Variants in CISD3 observed in about 807,000 individuals in gnomAD.
The protein encoded by CISD3 is CDGSH iron sulfur domain 3, also known as CDGSH iron-sulfur domain-containing protein 3, mitochondrial.
In CISD3, 11 loss-of-function variants were observed where a neutral mutation model predicts 14.1. The observed-to-expected ratio is 0.78, with a 90% CI of 0.49 to 1.29. CISD3 has a LOEUF of 1.29. Ranked by LOEUF, CISD3 falls within the 50% of genes most tolerant of loss-of-function variation. The pLI is 0.00. For missense variants in CISD3, 156 were observed against 171.6 expected, an observed-to-expected ratio of 0.91 and a Z score of 0.51; for synonymous variants, 53 against 69.2, an observed-to-expected ratio of 0.77 and a Z score of 1.16.
In CISD3 at chr17:38,730,815, C is replaced by A; in HGVS notation, c.84+20C>A. 1.3e-6 allele frequency: 2 copies of A among 1,550,776 alleles called. No individual in the cohort carries two copies. Among genetic ancestry groups the A allele is most frequent in the Non-Finnish European group, 1.7e-6 (2 of 1,146,102 alleles). On this transcript the variant is annotated intron_variant, in intron 2 of 3. Transcript: ENST00000613478. ...TGGCTGGTGAGTCCCCCCATCCTCC[C>A]CTCCTCCTCGCACAAGACCCCCAGG...
intron 3 of CISD3, chr17:38,731,758 C>G (rs1906344333): frequency 3.4e-6 from 1 of 297,722 alleles, no homozygotes; most frequent in South Asian, 5.6e-5. Flanking sequence ...TGTCTCCTTC[C>G]AGGAAGCGCC....
intron 1 of CISD3, 80 bp downstream of exon 1, chr17:38,730,486 G>T: frequency 9.2e-7 from 1 of 1,090,076 alleles, no homozygotes; most frequent in Non-Finnish European, 1.2e-6. Context: ...GCCCCGGCCC[G>T]GCCGAGCATC....
intron 3 of CISD3, among the ~76,000 whole-genome samples, 165 bp downstream of exon 3, chr17:38,731,604 T>G (rs1052860064): frequency 3.3e-5 from 5 of 152,184 alleles, no homozygotes; most frequent in African/African-American, 1.2e-4. Flanking sequence ...TTAAGCTCAC[T>G]GCATCTACCC....
rs1403786142 is a variant in CISD3 at position 38,734,073 on chromosome 17, C to T, written c.*618C>T. On this transcript the variant is annotated 3_prime_UTR_variant, in exon 4 of 4. Coordinates refer to ENST00000613478, the MANE Select transcript of CISD3 (RefSeq NM_001136498.2). ...GAATCTCGAGTCTCGACTCCCGACTCCTCTCAGATCTATGCACACTTGAGG... is the reference window on the plus strand; with the variant it reads ...GAATCTCGAGTCTCGACTCCCGACTTCTCTCAGATCTATGCACACTTGAGG... 6.6e-6 allele frequency: 1 copy of T among 152,356 alleles called. No individual in the cohort carries two copies. The highest frequency in any genetic ancestry group is 6.5e-5 in the Admixed American group (1 of 15,278). 9.4% of individuals were successfully genotyped at this position (152,356 alleles called of 1,614,324 possible).
Position 38,733,811 on chromosome 17 carries a change from CT to C in CISD3, c.*357del. On this transcript the variant is annotated 3_prime_UTR_variant, in exon 4 of 4. Transcript: ENST00000613478. ...CAGGAGAGGGCAGTTCAGATTCATT[CT>C]GTATGGGGTCCCCAAGCCAGGCTAA... 1 of 240,358 alleles carries C rather than the reference CT, an allele frequency of 4.2e-6. No individual in the cohort carries two copies. The allele number at this position is 240,358 out of a possible 1,614,324, so 14.9% of individuals were successfully genotyped here.
At chr17:38,731,150 C>A in intron 2 of CISD3, 170 bp from the exon 3 acceptor site, 1 of 888,974 alleles carries the variant, frequency 1.1e-6, no homozygotes, top group Non-Finnish European at 1.7e-6. Context: ...CCAAAGCTCA[C>A]GGTCCTATGG....
In CISD3 at chr17:38,733,186, G is replaced by C. The variant is rs943718608; in HGVS notation, c.205-90G>C. The C allele has an allele frequency of 3.2e-6, 4 of 1,263,520 alleles. No homozygotes were observed. The African/African-American group carries it at 6.0e-5, about 19-fold the overall frequency. 78.3% of individuals were successfully genotyped at this position (1,263,520 alleles called of 1,614,324 possible). A position where few individuals can be genotyped will look rare whatever the true frequency, so the allele number is the denominator to read the frequency against. ...CTCTGGAGCCTGTACCCTAACCACT[G>C]TGCTCCACTCCCCCTGAGCTCCTGC... On this transcript the variant is annotated intron_variant, in intron 3 of 3. Coordinates refer to ENST00000613478, the MANE Select transcript of CISD3 (RefSeq NM_001136498.2).
chr17:38,735,292 C>T lies in CISD3; in HGVS notation c.*1837C>T. On this transcript the variant is annotated 3_prime_UTR_variant, in exon 4 of 4. Transcript: ENST00000613478. ...GCCCCCTGCTGGTGGAGGATGGTGT[C>T]TGCAGGCAGTTCAAGCTACCCCCGT... 2 of 1,505,464 alleles carry T rather than the reference C, an allele frequency of 1.3e-6. No individual in the cohort carries two copies. The highest frequency in any genetic ancestry group is 1.8e-6 in the Non-Finnish European group (2 of 1,118,014). 93.3% of individuals were successfully genotyped at this position (1,505,464 alleles called of 1,614,324 possible). A position where few individuals can be genotyped will look rare whatever the true frequency, so the allele number is the denominator to read the frequency against.
In CISD3 at chr17:38,734,692, AAC is replaced by A. The variant is rs1264687580; in HGVS notation, c.*1238_*1239del. The A allele has an allele frequency of 6.5e-6, 1 of 152,840 alleles. No homozygotes were observed. The highest frequency in any genetic ancestry group is 2.4e-5 in the African/African-American group (1 of 41,450). 9.5% of individuals were successfully genotyped at this position (152,840 alleles called of 1,614,324 possible). A position where few individuals can be genotyped will look rare whatever the true frequency, so the allele number is the denominator to read the frequency against. On this transcript the variant is annotated 3_prime_UTR_variant, in exon 4 of 4. Transcript: ENST00000613478. The stretch of plus-strand genomic sequence containing the variant: ...TCTTAGCAATTTCTGGACATTCAAC[AAC>A]GTGGGGGGCGGCCACTGGTCAGAGG...
intron 1 of CISD3, 174 bp from the exon 2 acceptor site, chr17:38,730,586 C>T: frequency 3.6e-6 from 3 of 832,342 alleles, no homozygotes; most frequent in Non-Finnish European, 5.8e-6. Context: ...ACCTCCGCAG[C>T]CAGCACCTTC....
chr17:38,735,443 G>C lies in CISD3; in HGVS notation c.*1988G>C. The C allele has an allele frequency of 6.3e-7, 1 of 1,585,502 alleles. No homozygotes were observed. The highest frequency in any genetic ancestry group is 8.6e-7 in the Non-Finnish European group (1 of 1,165,616). ...GGCTGGGCTGGGCAGGGAGGAGGAG[G>C]TGGCTGGCAGGGTGGCAGGGCTGGG... On this transcript the variant is annotated 3_prime_UTR_variant, in exon 4 of 4. Transcript: ENST00000613478.
chr17:38,731,585 C>A (rs1181182481), intron 3 of CISD3, 146 bp downstream of exon 3: 2 of 1,046,294 alleles, frequency 1.9e-6, no homozygotes, highest in Non-Finnish European at 2.8e-6. Flanking sequence ...GCCAGTGCCA[C>A]CAGCAACCTT....
chr17:38,731,816 G>T, intron 3 of CISD3: 1 of 231,520 alleles, frequency 4.3e-6, no homozygotes, highest in Non-Finnish European at 8.8e-6. Flanking sequence ...TACAGCACCT[G>T]GTATTTCCTG....
rs1906442332 is a variant in CISD3, at chr17:38,733,461, C to A, written c.*6C>A. 1.3e-6 allele frequency: 2 copies of A among 1,516,968 alleles called. No homozygotes were observed. The highest frequency in any genetic ancestry group is 8.9e-7 in the Non-Finnish European group (1 of 1,127,408). The allele number at this position is 1,516,968 out of a possible 1,614,324, so 94.0% of individuals were successfully genotyped here. On this transcript the variant is annotated 3_prime_UTR_variant, in exon 4 of 4. Transcript: ENST00000613478. ...AAGTGGGCTCCCCACTCTGAGGGGG[C>A]TGCTGCTGTCCAGCCACAGGTGGCC...
chr17:38,731,528 C>T, intron 3 of CISD3, 89 bp downstream of exon 3: 1 of 1,508,858 alleles, frequency 6.6e-7, no homozygotes, highest in South Asian at 1.2e-5. Context: ...TGATCTTATT[C>T]TTCCCACACA....
In CISD3 at chr17:38,735,039, T is replaced by C. The variant is rs756894383; in HGVS notation, c.*1584T>C. On this transcript the variant is annotated 3_prime_UTR_variant, in exon 4 of 4. Coordinates refer to ENST00000613478, the MANE Select transcript of CISD3 (RefSeq NM_001136498.2). Reference sequence around the variant, plus strand: ...CATTTAAATTAATCTGGTTGGTCCATAGAAAATAAGTATGTATATTTGGTT... The same window carrying C: ...CATTTAAATTAATCTGGTTGGTCCACAGAAAATAAGTATGTATATTTGGTT... 24 of 414,442 alleles carry C rather than the reference T, an allele frequency of 5.8e-5. No homozygotes were observed. In the Middle Eastern group the frequency reaches 3.1e-3, roughly 54 times the overall value. 25.7% of individuals were successfully genotyped at this position (414,442 alleles called of 1,614,324 possible).
Position 38,735,058 on chromosome 17 carries a change from T to C in CISD3, c.*1603T>C. 1 of 436,190 alleles carries C rather than the reference T, an allele frequency of 2.3e-6. No homozygotes were observed. Among genetic ancestry groups the C allele is most frequent in the Non-Finnish European group, 4.0e-6 (1 of 249,436 alleles). 27.0% of individuals were successfully genotyped at this position (436,190 alleles called of 1,614,324 possible). On this transcript the variant is annotated 3_prime_UTR_variant, in exon 4 of 4. Coordinates refer to ENST00000613478, the MANE Select transcript of CISD3 (RefSeq NM_001136498.2). ...GGTCCATAGAAAATAAGTATGTATA[T>C]TTGGTTTTTCCTATGTACATATATA... is the stretch of plus-strand genomic sequence containing the variant.
chr17:38,731,539 T>C (rs1440193334), intron 3 of CISD3, 100 bp downstream of exon 3: 28 of 1,461,384 alleles, frequency 1.9e-5, no homozygotes, highest in Non-Finnish European at 2.5e-5. Flanking sequence ...TTCCCACACA[T>C]ACCTGAGGGA....
rs1906323791 is a variant in CISD3 at position 38,731,306 on chromosome 17, T to G, written c.85-14T>G. 6.4e-7 allele frequency: 1 copy of G among 1,550,690 alleles called. No individual in the cohort carries two copies. The highest frequency in any genetic ancestry group is 8.7e-7 in the Non-Finnish European group (1 of 1,146,786). On this transcript the variant is annotated splice_polypyrimidine_tract_variant and intron_variant, in intron 2 of 3. Transcript: ENST00000613478. ...TTGAGCTAACCCTGAGCCCCTCATCTTCCCTGGCCACAGGCCCAGTGGTTC... is the reference window on the plus strand; with the variant it reads ...TTGAGCTAACCCTGAGCCCCTCATCGTCCCTGGCCACAGGCCCAGTGGTTC...
Sources: allele counts gnomAD v4.1 joint callset (sites outside exome capture counted in the v4.1 genomes callset), GRCh38; gene constraint gnomAD v4.1.1; transcripts MANE v1.5; gene names NCBI Gene and HGNC (gene_info 2026-07-23, HGNC 2026-07-21).